ZNF462: variants seen among roughly 807,000 people sequenced by gnomAD.
The protein encoded by ZNF462 is zinc finger protein 462.
In ZNF462, 10 loss-of-function variants were observed where a neutral mutation model predicts 201.9. That is an observed-to-expected ratio of 0.05 (90% CI 0.03 to 0.08). The LOEUF (loss-of-function observed/expected upper bound fraction) is 0.08, where lower values mean the gene tolerates loss of function less well. ZNF462 is among the 10% of genes least tolerant of loss of function. ZNF462 has a pLI of 1.00. For synonymous variants in ZNF462, 1,227 were observed against 1,193.3 expected (o/e 1.03, Z -0.58); for missense variants, 2,523 against 3,168.3 (o/e 0.80, Z 4.89).
chr9:106,991,134 A>C (rs1828243104), intron 10 of ZNF462, among the ~76,000 whole-genome samples: 1 of 151,990 alleles, frequency 6.6e-6, no homozygotes, highest in South Asian at 2.1e-4. Flanking sequence ...ATTTATAGAC[A>C]ATTTGATTTT....
Position 106,956,751 on chromosome 9 carries a change from C to T in ZNF462, c.6428-15254C>T, listed in dbSNP as rs202206754. Among the ~76,000 whole-genome samples, 7 of 152,176 alleles carry T rather than the reference C, an allele frequency of 4.6e-5. No individual in the cohort carries two copies. In the East Asian group the frequency reaches 1.3e-3, roughly 29 times the overall value. ...CGTCAGCACTTGCTGCTTCACCTTG[C>T]ACTTTTCTGCTTTGAAGACAGCTTC... On this transcript the variant is annotated intron_variant, in intron 7 of 12. Transcript: ENST00000277225.
At position 106,939,963 on chromosome 9, in the gene ZNF462, C is replaced by T. The variant is rs559373994; in HGVS notation, c.6427+856C>T. Among the ~76,000 whole-genome samples, 16 of 152,274 alleles carry T rather than the reference C, an allele frequency of 1.1e-4. 1 individual carries two copies. The highest frequency in any genetic ancestry group is 6.2e-4 in the South Asian group (3 of 4,818). On this transcript the variant is annotated intron_variant, in intron 7 of 12. Coordinates refer to ENST00000277225, the MANE Select transcript of ZNF462 (RefSeq NM_021224.6). ...CCTTCTAATTCTTGAATCCCTTCTGCGGGAGCCAGTTAGCTACCATCAGCT... is the reference window on the plus strand; with the variant it reads ...CCTTCTAATTCTTGAATCCCTTCTGTGGGAGCCAGTTAGCTACCATCAGCT...
At chr9:106,983,359 G>A (rs551256153) in intron 9 of ZNF462, among the ~76,000 whole-genome samples, 206 of 152,134 alleles carry the variant, frequency 1.4e-3, no homozygotes, top group Non-Finnish European at 1.7e-3. Flanking sequence ...TGTCTCCTGC[G>A]CAACCCCACC....
At position 106,978,885 on chromosome 9, in the gene ZNF462, T is replaced by C; in HGVS notation, c.6832+4612T>C. 1 of 290,942 alleles carries C rather than the reference T, an allele frequency of 3.4e-6. No individual in the cohort carries two copies. The highest frequency in any genetic ancestry group is 6.5e-6 in the Non-Finnish European group (1 of 153,662). The allele number at this position is 290,942 out of a possible 1,614,324, so 18.0% of individuals were successfully genotyped here. A position where few individuals can be genotyped will look rare whatever the true frequency, so the allele number is the denominator to read the frequency against. On this transcript the variant is annotated intron_variant, in intron 9 of 12. Transcript: ENST00000277225. The surrounding 1 kb of genome is among the most constrained non-coding windows in gnomAD (Gnocchi z 4.1). ...GCCTCCTCAGTGATGTGGGATCTCATCATATCTGTCATTATAATTGGTCCT... is the reference window on the plus strand; with the variant it reads ...GCCTCCTCAGTGATGTGGGATCTCACCATATCTGTCATTATAATTGGTCCT...
intron 10 of ZNF462, among the ~76,000 whole-genome samples, chr9:106,992,849 C>A (rs1013765975): frequency 2.0e-5 from 3 of 151,968 alleles, no homozygotes; most frequent in Admixed American, 1.3e-4. Context: ...TACCTCAATA[C>A]CTAAAACAGA....
chr9:106,871,720 A>T (rs762215311), intron 1 of ZNF462, among the ~76,000 whole-genome samples: 1 of 152,224 alleles, frequency 6.6e-6, no homozygotes, highest in African/African-American at 2.4e-5. Flanking sequence ...TAAAGGACAG[A>T]TGGAAACTCA....
intron 1 of ZNF462, among the ~76,000 whole-genome samples, chr9:106,878,867 TG>T (rs1827957666): frequency 6.6e-6 from 1 of 152,250 alleles, no homozygotes; most frequent in Non-Finnish European, 1.5e-5. Context: ...TGTTCTCTGT[TG>T]GTGTGAAGTA....
chr9:106,875,140 A>G (rs998167635), intron 1 of ZNF462, among the ~76,000 whole-genome samples: 1 of 152,214 alleles, frequency 6.6e-6, no homozygotes, highest in Non-Finnish European at 1.5e-5. Context: ...TGATGTTTCC[A>G]ATGTGCTTCT....
chr9:106,970,644 C>T lies in ZNF462; in HGVS notation c.6428-1361C>T, dbSNP rs1008751751. 6.6e-6 allele frequency among the ~76,000 whole-genome samples: 1 copy of T among 152,090 alleles called. No homozygotes were observed. Among genetic ancestry groups the T allele is most frequent in the Non-Finnish European group, 1.5e-5 (1 of 68,018 alleles). ...TTTGTTTTCTTTTCAAGGAAAGTTA[C>T]ACTGAAATTCATCTGTGTGGTATTC... On this transcript the variant is annotated intron_variant, in intron 7 of 12. Transcript: ENST00000277225. This position sits in a 1 kb window ranked among gnomAD's most constrained non-coding sequence, Gnocchi z 4.2.
At position 106,927,806 on chromosome 9, in the gene ZNF462, C is replaced by G; in HGVS notation, c.3894C>G (p.Ile1298Met). 6.2e-7 allele frequency: 1 copy of G among 1,614,160 alleles called. No individual in the cohort carries two copies. ...CCCTGAAAGCCACAGTCACGTCCAT[C>G]ATGCGATGGGCATTTCTAGATGGCT... The part of the protein sequence containing the change: ...HPALKATVTS[I>M]MRWAFLDGLI... The change falls in exon 3 of 13, where the codon ATC becomes ATG. Residue 1298 changes from isoleucine to methionine, a missense_variant. Coordinates refer to ENST00000277225, the MANE Select transcript of ZNF462 (RefSeq NM_021224.6).
chr9:106,931,744 T>A (rs1229693957), intron 4 of ZNF462, among the ~76,000 whole-genome samples: 3 of 152,198 alleles, frequency 2.0e-5, no homozygotes. Context: ...TTGAATTGAT[T>A]ATGCAGCAGT....
chr9:106,992,479 A>G (rs1380384448), intron 10 of ZNF462, among the ~76,000 whole-genome samples: 1 of 152,092 alleles, frequency 6.6e-6, no homozygotes, highest in Admixed American at 6.6e-5. Flanking sequence ...GACCTATCCT[A>G]CCTTCACATA....
intron 1 of ZNF462, among the ~76,000 whole-genome samples, chr9:106,879,994 T>C (rs1056407431): frequency 6.6e-6 from 1 of 152,160 alleles, no homozygotes; most frequent in African/African-American, 2.4e-5. Flanking sequence ...CTTGGAATCG[T>C]GGATCCTTGT....
chr9:106,987,034 T>TAGAG (rs1425922538), intron 10 of ZNF462, among the ~76,000 whole-genome samples: 1 of 144,342 alleles, frequency 6.9e-6, no homozygotes, highest in Admixed American at 7.1e-5. Context: ...GATAGATAGA[T>TAGAG]AGATATCACA....
At chr9:106,878,854 T>C (rs1827956889) in intron 1 of ZNF462, among the ~76,000 whole-genome samples, 1 of 152,224 alleles carries the variant, frequency 6.6e-6, no homozygotes, top group African/African-American at 2.4e-5. Flanking sequence ...CTCCAAAATA[T>C]CTTGTTCTCT....
At chr9:106,943,116 C>T (rs1203365867) in intron 7 of ZNF462, among the ~76,000 whole-genome samples, 1 of 148,654 alleles carries the variant, frequency 6.7e-6, no homozygotes, top group East Asian at 2.0e-4. Flanking sequence ...TAGTTAGCAA[C>T]CCAGAGAAAA....
At chr9:106,997,245 C>T (rs138408054) in intron 10 of ZNF462, among the ~76,000 whole-genome samples, 2 of 152,142 alleles carry the variant, frequency 1.3e-5, no homozygotes, top group African/African-American at 2.4e-5. Context: ...ATTGGGAGAG[C>T]CATTAGAGAA....
chr9:106,998,707 A>T (rs2132553190), intron 10 of ZNF462, among the ~76,000 whole-genome samples: 1 of 152,196 alleles, frequency 6.6e-6, no homozygotes, highest in African/African-American at 2.4e-5. Flanking sequence ...TCCCAGGTTT[A>T]AGCAATTCTC....
intron 10 of ZNF462, among the ~76,000 whole-genome samples, chr9:106,985,480 A>T (rs189586615): frequency 2.0e-5 from 3 of 152,178 alleles, no homozygotes; most frequent in South Asian, 2.1e-4. Context: ...CACAGGGCTC[A>T]TCTGGCATCT....
Sources: allele counts gnomAD v4.1 joint callset (sites outside exome capture counted in the v4.1 genomes callset), GRCh38; gene constraint gnomAD v4.1.1; non-coding constraint Gnocchi (gnomAD v3.1); transcripts MANE v1.5; gene names NCBI Gene and HGNC (gene_info 2026-07-23, HGNC 2026-07-21).